ANKRD13B: variants seen among roughly 807,000 people sequenced by gnomAD.
ANKRD13B encodes ankyrin repeat domain 13B, also known as ankyrin repeat domain-containing protein 13B.
A neutral mutation model predicts 74.4 loss-of-function variants in ANKRD13B; 33 were observed. That is an observed-to-expected ratio of 0.44 (90% CI 0.34 to 0.59). The LOEUF is 0.59. Among genes scored for constraint, ANKRD13B ranks in the 20% least tolerant of loss-of-function variants. The pLI, the probability that ANKRD13B is intolerant of heterozygous loss-of-function variation, is 0.02. For synonymous variants in ANKRD13B, 341 were observed against 362.9 expected (o/e 0.94, Z 0.68); for missense variants, 676 against 877.9 (o/e 0.77, Z 2.91).
intron 1 of ANKRD13B, among the ~76,000 whole-genome samples, chr17:29,599,865 GTTT>G (rs35600194): frequency 2.0e-4 from 10 of 50,774 alleles, no homozygotes; most frequent in African/African-American, 7.4e-4. Flanking sequence ...CATCTAATTT[GTTT>G]TTTTTTTTTT....
intron 1 of ANKRD13B, among the ~76,000 whole-genome samples, chr17:29,599,865 GTTTTT>G (rs35600194): frequency 1.6e-4 from 8 of 50,768 alleles, no homozygotes; most frequent in African/African-American, 2.9e-4. Flanking sequence ...CATCTAATTT[GTTTTT>G]TTTTTTTTTT....
rs79415967 is a variant in ANKRD13B at position 29,608,561 on chromosome 17, T to C, written c.422-290T>C. 5.2e-3 allele frequency: 2,981 copies of C among 573,416 alleles called. 54 individuals carry two copies. The highest frequency in any genetic ancestry group is 0.041 in the African/African-American group (2,194 of 53,680). 35.5% of individuals were successfully genotyped at this position (573,416 alleles called of 1,614,324 possible). ...GTGGCTGGAACACTCAGTAGGTGTT[T>C]CATAAATATTTGTTGAAAGAATGGA... is the stretch of plus-strand genomic sequence containing the variant. On this transcript the variant is annotated intron_variant, in intron 4 of 14. Transcript: ENST00000394859. This position sits in a 1 kb window ranked among gnomAD's most constrained non-coding sequence, Gnocchi z 6.4.
At chr17:29,613,150 A>G in intron 14 of ANKRD13B, 187 bp downstream of exon 14, 1 of 1,157,798 alleles carries the variant, frequency 8.6e-7, no homozygotes, top group Non-Finnish European at 1.2e-6. Flanking sequence ...CGCGGAGTTC[A>G]GACTCTCCCC....
chr17:29,608,330 C>G lies in ANKRD13B; in HGVS notation c.421+90C>G. The G allele has an allele frequency of 6.5e-7, 1 of 1,547,396 alleles. No individual in the cohort carries two copies. The highest frequency in any genetic ancestry group is 1.8e-5 in the Admixed American group (1 of 55,102). On this transcript the variant is annotated intron_variant, in intron 4 of 14. Transcript: ENST00000394859. This position sits in a 1 kb window ranked among gnomAD's most constrained non-coding sequence, Gnocchi z 6.4. ...CCTGGAATGTGTTCTCATAGTTCTT[C>G]CGGCGGTTCCCTCTATGCCTTAGCT...
Position 29,609,428 on chromosome 17 carries a change from C to G in ANKRD13B, c.822+7C>G. On this transcript the variant is annotated splice_region_variant and intron_variant, in intron 7 of 14. Transcript: ENST00000394859. This position sits in a 1 kb window ranked among gnomAD's most constrained non-coding sequence, Gnocchi z 4.0. ...GAATGGGTATGAAGCTAAGGTGAGGCTGCAGCTCCCAGCTGCCAGCCCAGC... is the reference window on the plus strand; with the variant it reads ...GAATGGGTATGAAGCTAAGGTGAGGGTGCAGCTCCCAGCTGCCAGCCCAGC... 6.2e-7 allele frequency: 1 copy of G among 1,612,940 alleles called. No individual in the cohort carries two copies. Among genetic ancestry groups the G allele is most frequent in the Non-Finnish European group, 8.5e-7 (1 of 1,179,922 alleles).
chr17:29,612,636 G>T lies in ANKRD13B; in HGVS notation c.1412-16G>T. On this transcript the variant is annotated splice_polypyrimidine_tract_variant and intron_variant, in intron 12 of 14. Coordinates refer to ENST00000394859, the MANE Select transcript of ANKRD13B (RefSeq NM_152345.5). The surrounding 1 kb of genome is among the most constrained non-coding windows in gnomAD (Gnocchi z 6.1). ...GGCGCGCCCGGCCGTGCCTGACCCA[G>T]CCCCCGCGCCCCCAGCCTCCTGCCG... The T allele has an allele frequency of 2.6e-6, 4 of 1,526,464 alleles. No homozygotes were observed. Among genetic ancestry groups the T allele is most frequent in the Non-Finnish European group, 3.5e-6 (4 of 1,141,614 alleles). 94.6% of individuals were successfully genotyped at this position (1,526,464 alleles called of 1,614,324 possible).
At position 29,612,846 on chromosome 17, in the gene ANKRD13B, G is replaced by A; in HGVS notation, c.1575+31G>A. The stretch of plus-strand genomic sequence containing the variant: ...TCTCCGCGGGCGCGCGGGGCCACGG[G>A]ACTCCGCGCCGCCACGGCTAACGCC... On this transcript the variant is annotated intron_variant, in intron 13 of 14. Coordinates refer to ENST00000394859, the MANE Select transcript of ANKRD13B (RefSeq NM_152345.5). This position sits in a 1 kb window ranked among gnomAD's most constrained non-coding sequence, Gnocchi z 6.1. 6.2e-7 allele frequency: 1 copy of A among 1,600,350 alleles called. No homozygotes were observed. The highest frequency in any genetic ancestry group is 8.5e-7 in the Non-Finnish European group (1 of 1,178,874).
At chr17:29,606,568 C>G (rs980416719) in intron 1 of ANKRD13B, among the ~76,000 whole-genome samples, 1 of 150,934 alleles carries the variant, frequency 6.6e-6, no homozygotes, top group Non-Finnish European at 1.5e-5. Flanking sequence ...AAAAAACAAA[C>G]AAACAAACAA....
chr17:29,609,043 C>G lies in ANKRD13B; in HGVS notation c.566-43C>G, dbSNP rs1266924018. ...AGGGTGGGGACGATGGGAGGCAGCCCCAGGCCACCCCTGATCCCCCTGTGC... is the reference window on the plus strand; with the variant it reads ...AGGGTGGGGACGATGGGAGGCAGCCGCAGGCCACCCCTGATCCCCCTGTGC... On this transcript the variant is annotated intron_variant, in intron 5 of 14. Transcript: ENST00000394859. This position sits in a 1 kb window ranked among gnomAD's most constrained non-coding sequence, Gnocchi z 4.0. 1.9e-6 allele frequency: 3 copies of G among 1,612,766 alleles called. No homozygotes were observed. Among genetic ancestry groups the G allele is most frequent in the Non-Finnish European group, 8.5e-7 (1 of 1,179,936 alleles).
At position 29,593,333 on chromosome 17, in the gene ANKRD13B, G is replaced by C. The variant is rs1364627843; in HGVS notation, c.-289G>C. The C allele has an allele frequency of 6.8e-6, 1 of 147,818 alleles. No homozygotes were observed. Among genetic ancestry groups the C allele is most frequent in the Admixed American group, 6.7e-5 (1 of 14,890 alleles). The allele number at this position is 147,818 out of a possible 1,614,324, so 9.2% of individuals were successfully genotyped here. A position where few individuals can be genotyped will look rare whatever the true frequency, so the allele number is the denominator to read the frequency against. Reference sequence around the variant, plus strand: ...GCGGCGTCTTTGTGTGCGGGGGTGTGGGAGGCGAGCGCGAGTCCGCGCAGC... The same window carrying C: ...GCGGCGTCTTTGTGTGCGGGGGTGTCGGAGGCGAGCGCGAGTCCGCGCAGC... On this transcript the variant is annotated 5_prime_UTR_variant, in exon 1 of 15. Coordinates refer to ENST00000394859, the MANE Select transcript of ANKRD13B (RefSeq NM_152345.5).
chr17:29,607,142 A>G (rs2150893606), intron 1 of ANKRD13B, among the ~76,000 whole-genome samples: 1 of 152,336 alleles, frequency 6.6e-6, no homozygotes, highest in Admixed American at 6.5e-5. Flanking sequence ...TGTTATTCAC[A>G]AAATTATAGG....
chr17:29,613,676 C>T lies in ANKRD13B; in HGVS notation c.*94C>T. The T allele has an allele frequency of 5.1e-6, 7 of 1,370,474 alleles. No individual in the cohort carries two copies. The highest frequency in any genetic ancestry group is 6.6e-6 in the Non-Finnish European group (7 of 1,066,080). The allele number at this position is 1,370,474 out of a possible 1,614,324, so 84.9% of individuals were successfully genotyped here. ...GGCCTGCGCGCCTGCAGAGCGGCGGCTGGAGACTGGAGCCACCGCCTCGCG... is the reference window on the plus strand; with the variant it reads ...GGCCTGCGCGCCTGCAGAGCGGCGGTTGGAGACTGGAGCCACCGCCTCGCG... On this transcript the variant is annotated 3_prime_UTR_variant, in exon 15 of 15. Transcript: ENST00000394859.
chr17:29,593,770 C>A (rs2033848685), intron 1 of ANKRD13B, 35 bp downstream of exon 1: 3 of 1,291,316 alleles, frequency 2.3e-6, no homozygotes, highest in African/African-American at 1.6e-5. Context: ...GGGGACCCCG[C>A]GGCCGGGCAC....
At chr17:29,601,005 A>C (rs1281581134) in intron 1 of ANKRD13B, among the ~76,000 whole-genome samples, 4 of 149,158 alleles carry the variant, frequency 2.7e-5, no homozygotes, top group Non-Finnish European at 5.9e-5. Flanking sequence ...GCTCACTGCA[A>C]CCTCTGGCTC....
At chr17:29,601,776 A>G (rs1187406866) in intron 1 of ANKRD13B, among the ~76,000 whole-genome samples, 3 of 152,148 alleles carry the variant, frequency 2.0e-5, no homozygotes, top group African/African-American at 7.2e-5. Context: ...AAAAAAAAAA[A>G]AGAATTCTAG....
rs888201910 is a variant in ANKRD13B, at chr17:29,613,693, C to A, written c.*111C>A. Reference sequence around the variant, plus strand: ...AGCGGCGGCTGGAGACTGGAGCCACCGCCTCGCGGGTGCAGCAGCACAGCA... The same window carrying A: ...AGCGGCGGCTGGAGACTGGAGCCACAGCCTCGCGGGTGCAGCAGCACAGCA... On this transcript the variant is annotated 3_prime_UTR_variant, in exon 15 of 15. Coordinates refer to ENST00000394859, the MANE Select transcript of ANKRD13B (RefSeq NM_152345.5). 5 of 1,363,082 alleles carry A rather than the reference C, an allele frequency of 3.7e-6. No homozygotes were observed. Among genetic ancestry groups the A allele is most frequent in the Admixed American group, 7.6e-5 (2 of 26,264 alleles). The allele number at this position is 1,363,082 out of a possible 1,614,324, so 84.4% of individuals were successfully genotyped here. A position where few individuals can be genotyped will look rare whatever the true frequency, so the allele number is the denominator to read the frequency against.
In ANKRD13B at chr17:29,608,355, TC is replaced by T; in HGVS notation, c.421+116del. On this transcript the variant is annotated intron_variant, in intron 4 of 14. Coordinates refer to ENST00000394859, the MANE Select transcript of ANKRD13B (RefSeq NM_152345.5). The surrounding 1 kb of genome is among the most constrained non-coding windows in gnomAD (Gnocchi z 6.4). ...CCGGCGGTTCCCTCTATGCCTTAGC[TC>T]AGCTCAGGGCCACCGCCTCAGCTAG... is the stretch of plus-strand genomic sequence containing the variant. 7.2e-7 allele frequency: 1 copy of T among 1,396,706 alleles called. No homozygotes were observed. The allele number at this position is 1,396,706 out of a possible 1,614,324, so 86.5% of individuals were successfully genotyped here.
In ANKRD13B at chr17:29,611,613, C is replaced by G. The variant is rs769178879; in HGVS notation, c.939C>G (p.Ile313Met). 1 of 1,614,080 alleles carries G rather than the reference C, an allele frequency of 6.2e-7. No individual in the cohort carries two copies. The highest frequency in any genetic ancestry group is 8.5e-7 in the Non-Finnish European group (1 of 1,180,032). ...CKTPLQSFLG[I>M]AEQHGGPQNG... ...CACCTTTGCAGTCCTTCCTGGGAAT[C>G]GCTGAGCAGCACGGGGGCCCCCAAA... Residue 313 changes from isoleucine to methionine, a missense_variant, in exon 9 of 15, where the codon ATC (isoleucine) becomes ATG (methionine). By Grantham distance (10) the Ile-to-Met change is conservative (BLOSUM62 1). This residue lies in a region of ANKRD13B where 328 missense variants were observed against 518.4 expected (regional missense o/e 0.63). Transcript: ENST00000394859. This position sits in a 1 kb window ranked among gnomAD's most constrained non-coding sequence, Gnocchi z 4.3.
In ANKRD13B at chr17:29,612,370, G is replaced by A; in HGVS notation, c.1259-32G>A. 1 of 1,612,124 alleles carries A rather than the reference G, an allele frequency of 6.2e-7. No homozygotes were observed. Among genetic ancestry groups the A allele is most frequent in the Non-Finnish European group, 8.5e-7 (1 of 1,178,636 alleles). On this transcript the variant is annotated intron_variant, in intron 11 of 14. Coordinates refer to ENST00000394859, the MANE Select transcript of ANKRD13B (RefSeq NM_152345.5). This position sits in a 1 kb window ranked among gnomAD's most constrained non-coding sequence, Gnocchi z 6.1. ...CTGAGGCTGAGGTGTGAGGGGCTGA[G>A]TGGTGGCGCCTAAAGGTTTCCTCAT... is the stretch of plus-strand genomic sequence containing the variant.
Sources: allele counts gnomAD v4.1 joint callset (sites outside exome capture counted in the v4.1 genomes callset), GRCh38; gene constraint gnomAD v4.1.1; regional missense constraint gnomAD v4.1.1; non-coding constraint Gnocchi (gnomAD v3.1); transcripts MANE v1.5; gene names NCBI Gene and HGNC (gene_info 2026-07-23, HGNC 2026-07-21).